The following PADI4 variants were observed in gnomAD, a reference collection of about 807,000 sequenced individuals.
PADI4 encodes the protein protein-arginine deiminase type-4.
Under a neutral mutation model 75.0 loss-of-function variants are expected in PADI4, and 62 were observed. The ratio of observed to expected loss-of-function variants is 0.83; its 90% CI spans 0.67 to 1.02. The LOEUF (loss-of-function observed/expected upper bound fraction) is 1.02, where lower values mean the gene tolerates loss of function less well. Ranked by LOEUF, PADI4 falls within the 50% of genes least tolerant of loss-of-function variation. The probability of loss-of-function intolerance (pLI) is 0.00; values close to 1 mark genes in which losing one functional copy is unlikely to be tolerated. For synonymous variants in PADI4, 361 were observed against 348.1 expected (o/e 1.04, Z -0.41); for missense variants, 845 against 850.5 (o/e 0.99, Z 0.08).
chr1:17,354,571 A>G lies in PADI4; in HGVS notation c.1194A>G (p.Thr398=), dbSNP rs774811624. 5.6e-6 allele frequency: 9 copies of G among 1,614,076 alleles called. No homozygotes were observed. Among genetic ancestry groups the G allele is most frequent in the Non-Finnish European group, 7.6e-6 (9 of 1,179,988 alleles). ...DFGYVTRGPQ[T]GGISGLDSFG... ...GCTATGTAACTCGAGGGCCCCAAACAGGGGGTATCAGTGGACTGGACTCCT... is the reference window on the plus strand; with the variant it reads ...GCTATGTAACTCGAGGGCCCCAAACGGGGGGTATCAGTGGACTGGACTCCT... The change falls in exon 11 of 16, where the codon ACA becomes ACG. Residue 398 remains threonine, a synonymous_variant. Coordinates refer to ENST00000375448, the MANE Select transcript of PADI4 (RefSeq NM_012387.3).
chr1:17,320,615 T>C (rs1260549354), intron 1 of PADI4, among the ~76,000 whole-genome samples: 1 of 152,140 alleles, frequency 6.6e-6, no homozygotes. Flanking sequence ...GTCATGACGC[T>C]GGTGGGAGTG....
At chr1:17,338,360 T>C (rs1053069169) in intron 5 of PADI4, among the ~76,000 whole-genome samples, 1 of 152,182 alleles carries the variant, frequency 6.6e-6, no homozygotes, top group African/African-American at 2.4e-5. Context: ...AGGGAAGAGC[T>C]GAGGCCAGTG....
chr1:17,346,964 T>C lies in PADI4; in HGVS notation c.1047+825T>C, dbSNP rs1002111468. Among the ~76,000 whole-genome samples, 3 of 152,062 alleles carry C rather than the reference T, an allele frequency of 2.0e-5. No individual in the cohort carries two copies. Among genetic ancestry groups the C allele is most frequent in the Middle Eastern group, 3.2e-3 (1 of 316 alleles). On this transcript the variant is annotated intron_variant, in intron 9 of 15. Transcript: ENST00000375448. This position sits in a 1 kb window ranked among gnomAD's most constrained non-coding sequence, Gnocchi z 4.3. The stretch of plus-strand genomic sequence containing the variant: ...ATTCCATCTTTTCTTTTCTTTTTTT[T>C]TTCACTCTTGTTGCCCAGGCTGGAG...
chr1:17,311,601 C>T (rs553657475), intron 1 of PADI4, among the ~76,000 whole-genome samples: 6 of 151,916 alleles, frequency 3.9e-5, no homozygotes, highest in South Asian at 2.1e-4. Context: ...CTTGGCTCAC[C>T]GCAAGCTCCA....
intron 10 of PADI4, among the ~76,000 whole-genome samples, chr1:17,349,825 C>G (rs2074589951): frequency 7.8e-6 from 1 of 127,574 alleles, no homozygotes. Flanking sequence ...CCTGCCTCTC[C>G]AGCACCATTG....
At chr1:17,318,615 A>C (rs2073980136) in intron 1 of PADI4, among the ~76,000 whole-genome samples, 1 of 152,168 alleles carries the variant, frequency 6.6e-6, no homozygotes, top group South Asian at 2.1e-4. Flanking sequence ...TTGAGCTCTG[A>C]ATAAACATTT....
chr1:17,359,451 G>A lies in PADI4; in HGVS notation c.1758+43G>A. 3 of 1,612,492 alleles carry A rather than the reference G, an allele frequency of 1.9e-6. No individual in the cohort carries two copies. The East Asian group carries it at 6.7e-5, about 36-fold the overall frequency. On this transcript the variant is annotated intron_variant, in intron 15 of 15. Coordinates refer to ENST00000375448, the MANE Select transcript of PADI4 (RefSeq NM_012387.3). ...TTAAAACCCCAGGGTGTGGCATGGA[G>A]GTAGCTCAGCCCGAGAGGCCAGTGG...
intron 2 of PADI4, among the ~76,000 whole-genome samples, chr1:17,333,156 G>A (rs958079009): frequency 2.6e-5 from 4 of 152,180 alleles, no homozygotes; most frequent in African/African-American, 9.6e-5. Flanking sequence ...CTAGCAAGTA[G>A]ATAGGATCTA....
intron 15 of PADI4, among the ~76,000 whole-genome samples, chr1:17,362,344 C>G (rs1266287214): frequency 8.3e-6 from 1 of 120,864 alleles, no homozygotes; most frequent in Non-Finnish European, 1.7e-5. Context: ...AGAGTAAGAC[C>G]CTGTCTCAAA....
intron 10 of PADI4, among the ~76,000 whole-genome samples, chr1:17,352,018 C>CAGTCAGGGAGGTGATGGGAGGAGA (rs1557576585): frequency 0.015 from 150 of 9,912 alleles, 5 homozygotes; most frequent in Admixed American, 0.028. Flanking sequence ...GGAGGAGAGG[C>CAGTCAGGGAGGTGATGGGAGGAGA]GGCCAGGGAG....
intron 15 of PADI4, among the ~76,000 whole-genome samples, chr1:17,361,258 C>G (rs910465143): frequency 5.3e-5 from 8 of 152,186 alleles, no homozygotes; most frequent in Non-Finnish European, 8.8e-5. Flanking sequence ...GGTTCCTTGG[C>G]CAAAAGGAAT....
chr1:17,342,426 GT>G, intron 8 of PADI4, 24 bp downstream of exon 8: 1 of 1,450,550 alleles, frequency 6.9e-7, no homozygotes, highest in Non-Finnish European at 9.7e-7. Flanking sequence ...GGGTGCTGGG[GT>G]GGGTCCAGAC....
chr1:17,313,016 CCT>C (rs779656432), intron 1 of PADI4, among the ~76,000 whole-genome samples: 20 of 151,726 alleles, frequency 1.3e-4, no homozygotes, highest in Non-Finnish European at 2.1e-4. Flanking sequence ...ATGGTGAAAC[CCT>C]GTCTCTACTA....
chr1:17,329,538 A>G (rs542044559), intron 1 of PADI4, among the ~76,000 whole-genome samples: 2 of 152,280 alleles, frequency 1.3e-5, no homozygotes, highest in African/African-American at 4.8e-5. Context: ...CTGTTCATTA[A>G]GTGGAAGTGG....
intron 8 of PADI4, 93 bp downstream of exon 8, chr1:17,342,495 C>T (rs1047686911): frequency 5.6e-6 from 4 of 719,870 alleles, no homozygotes; most frequent in Non-Finnish European, 9.5e-6. Context: ...AAACAGTCAC[C>T]CCTCCCCTGC....
At chr1:17,337,644 G>A (rs1635589) in intron 4 of PADI4, among the ~76,000 whole-genome samples, 96,822 of 151,860 alleles carry the variant, frequency 0.64, 31,072 homozygotes, top group Non-Finnish European at 0.67. Context: ...GGGGCCGGGC[G>A]TGGTGGCTCA....
At chr1:17,352,557 A>G (rs975297742) in intron 10 of PADI4, among the ~76,000 whole-genome samples, 1 of 152,110 alleles carries the variant, frequency 6.6e-6, no homozygotes, top group African/African-American at 2.4e-5. Flanking sequence ...GTGAGAAGCC[A>G]TGAGATTCCG....
In PADI4 at chr1:17,359,284, G is replaced by A. The variant is rs2074814159; in HGVS notation, c.1634G>A (p.Cys545Tyr). The A allele has an allele frequency of 6.6e-7, 1 of 1,519,018 alleles. No individual in the cohort carries two copies. Among genetic ancestry groups the A allele is most frequent in the Non-Finnish European group, 8.9e-7 (1 of 1,120,666 alleles). 94.1% of individuals were successfully genotyped at this position (1,519,018 alleles called of 1,614,324 possible). ...LREHNSFVER[C>Y]IDWNRELLKR... is the part of the protein sequence containing the mutation. ...TGCCCCTGCCCCTTCCCCAAGAGAT[G>A]CATCGACTGGAACCGCGAGCTGCTG... is the stretch of plus-strand genomic sequence containing the variant. The change falls in exon 15 of 16, where the codon TGC becomes TAC. Residue 545 changes from cysteine to tyrosine, a missense_variant. By Grantham distance (194) the Cys-to-Tyr change is radical (BLOSUM62 -2). Transcript: ENST00000375448.
rs918447980 is a variant in PADI4, at chr1:17,355,921, C to T, written c.1311-62C>T. On this transcript the variant is annotated intron_variant, in intron 11 of 15. Coordinates refer to ENST00000375448, the MANE Select transcript of PADI4 (RefSeq NM_012387.3). ...CTGACCTTTTTGCCAAGCCCCTTGT[C>T]CTTCAGGGACTTCCCTGTAGCCCTT... The T allele has an allele frequency of 6.9e-6, 11 of 1,592,262 alleles. No individual in the cohort carries two copies. In the South Asian group the frequency reaches 1.1e-4, roughly 16 times the overall value.
Sources: allele counts gnomAD v4.1 joint callset (sites outside exome capture counted in the v4.1 genomes callset), GRCh38; gene constraint gnomAD v4.1.1; non-coding constraint Gnocchi (gnomAD v3.1); transcripts MANE v1.5; gene names NCBI Gene and HGNC (gene_info 2026-07-23, HGNC 2026-07-21).